The following SEM1 variants were observed in gnomAD, a reference collection of about 807,000 sequenced individuals.
SEM1 encodes SEM1 26S proteasome subunit, also known as 26S proteasome complex subunit SEM1.
SEM1 carries 3 observed loss-of-function variants against 12.7 expected under a neutral mutation model. That is an observed-to-expected ratio of 0.24 (90% CI 0.11 to 0.61). The LOEUF (loss-of-function observed/expected upper bound fraction) is 0.61. SEM1 is among the 20% of genes least tolerant of loss of function. The pLI, the probability that SEM1 is intolerant of heterozygous loss-of-function variation, is 0.88. For missense variants in SEM1, 59 were observed against 81.3 expected (o/e 0.73, Z 1.06); for synonymous variants, 30 against 27.8 (o/e 1.08, Z -0.25).
intron 2 of SEM1, among the ~76,000 whole-genome samples, chr7:96,633,646 G>A (rs76383334): frequency 0.014 from 2,140 of 152,212 alleles, 39 homozygotes; most frequent in African/African-American, 0.049. Context: ...AGAAAGTTAT[G>A]TCATTCTTAA....
chr7:96,666,307 T>C (rs74637482), intron 2 of SEM1, among the ~76,000 whole-genome samples: 7,750 of 152,246 alleles, frequency 0.051, 245 homozygotes, highest in South Asian at 0.091. Flanking sequence ...GCATAAACCA[T>C]GGACAACAGA....
At chr7:96,519,518 T>A (rs1804202382) in intron 2 of SEM1, among the ~76,000 whole-genome samples, 2 of 151,880 alleles carry the variant, frequency 1.3e-5, no homozygotes, top group South Asian at 4.2e-4. Context: ...TGGGTTGAGA[T>A]TTTTTAAATA....
intron 2 of SEM1, among the ~76,000 whole-genome samples, chr7:96,587,377 G>C (rs1274576624): frequency 6.6e-6 from 1 of 152,004 alleles, no homozygotes; most frequent in Admixed American, 6.5e-5. Context: ...CTCTTCCTTG[G>C]AGCAGTCTTG....
intron 2 of SEM1, among the ~76,000 whole-genome samples, chr7:96,514,790 A>G (rs1254275262): frequency 6.6e-6 from 1 of 152,182 alleles, no homozygotes. Context: ...AAGACATACT[A>G]TGTTCATAGG....
At chr7:96,670,547 A>G (rs1207273636), downstream of SEM1, among the ~76,000 whole-genome samples, 1 of 152,180 alleles carries the variant, frequency 6.6e-6, no homozygotes, top group Admixed American at 6.6e-5. Context: ...GTAATCAAAT[A>G]CAAAACCATC....
In SEM1 at chr7:96,486,099, C is replaced by T. The variant is rs1802743667; in HGVS notation, c.227+104G>A. On this transcript the variant is annotated intron_variant, in intron 2 of 3. Transcript: ENST00000356686. ...GTAAAGATCACGGTTGAGTATGTCA[C>T]AATGTTGCTGGCCTTTAGTTTTAGT... 20 of 769,660 alleles carry T rather than the reference C, an allele frequency of 2.6e-5. No homozygotes were observed. In the East Asian group the frequency reaches 5.3e-4, roughly 21 times the overall value. 47.7% of individuals were successfully genotyped at this position (769,660 alleles called of 1,614,324 possible).
chr7:96,522,651 G>A (rs1291462727), intron 2 of SEM1, among the ~76,000 whole-genome samples: 1 of 151,590 alleles, frequency 6.6e-6, no homozygotes, highest in African/African-American at 2.4e-5. Context: ...GCCAAGGCAG[G>A]CAGATCATCT....
At chr7:96,617,944 G>C (rs932639267), downstream of SEM1, among the ~76,000 whole-genome samples, 3 of 152,060 alleles carry the variant, frequency 2.0e-5, no homozygotes, top group Admixed American at 6.6e-5. Flanking sequence ...TTATTTTGAG[G>C]ATTTTTGTGC....
intron 2 of SEM1, among the ~76,000 whole-genome samples, chr7:96,582,432 T>C (rs1170305908): frequency 1.1e-4 from 16 of 150,694 alleles, no homozygotes; most frequent in African/African-American, 3.7e-4. Context: ...TCTAAAATTC[T>C]CTTTTTTGGT....
chr7:96,657,439 G>C (rs1170328202), intron 2 of SEM1, among the ~76,000 whole-genome samples: 1 of 152,080 alleles, frequency 6.6e-6, no homozygotes, highest in Non-Finnish European at 1.5e-5. Context: ...TCAGATTTGG[G>C]TTCAGGCTAT....
At chr7:96,688,064 G>C (rs1358655987), downstream of SEM1, 3 of 152,098 alleles carry the variant, frequency 2.0e-5, no homozygotes, top group East Asian at 5.8e-4. Context: ...ATTGATTGTA[G>C]TTCTTAGTAA....
At chr7:96,569,201 C>G (rs1481750930) in intron 2 of SEM1, among the ~76,000 whole-genome samples, 1 of 151,950 alleles carries the variant, frequency 6.6e-6, no homozygotes, top group East Asian at 1.9e-4. Flanking sequence ...GGAAGTCAGT[C>G]TTGATTCCTT....
intron 2 of SEM1, among the ~76,000 whole-genome samples, chr7:96,653,258 T>G (rs1044451055): frequency 1.3e-5 from 2 of 152,172 alleles, no homozygotes; most frequent in Non-Finnish European, 2.9e-5. Flanking sequence ...AGATATCAGA[T>G]TCAGCTGTTT....
At chr7:96,695,818 G>A (rs1455166016) in intron 1 of SEM1, 3 of 151,810 alleles carry the variant, frequency 2.0e-5, no homozygotes, top group Admixed American at 1.3e-4. Context: ...TAAGTAGGTC[G>A]CTTCCATCTG....
chr7:96,513,802 C>T (rs1804005026), intron 2 of SEM1, among the ~76,000 whole-genome samples: 1 of 151,996 alleles, frequency 6.6e-6, no homozygotes, highest in African/African-American at 2.4e-5. Flanking sequence ...GAACTCCAGC[C>T]TGGGCAGCAG....
At chr7:96,573,938 T>A (rs28784002) in intron 2 of SEM1, among the ~76,000 whole-genome samples, 93,219 of 136,974 alleles carry the variant, frequency 0.68, 29,060 homozygotes, top group Non-Finnish European at 0.75. Flanking sequence ...TTTTTTTTTT[T>A]AATATTTTTT....
intron 2 of SEM1, among the ~76,000 whole-genome samples, chr7:96,633,878 A>G: frequency 6.6e-6 from 1 of 152,154 alleles, no homozygotes; most frequent in East Asian, 1.9e-4. Flanking sequence ...TAGACTGCCT[A>G]GAAAATTAAA....
chr7:96,491,504 T>C (rs1803006358), intron 1 of SEM1, among the ~76,000 whole-genome samples: 1 of 152,182 alleles, frequency 6.6e-6, no homozygotes, highest in Non-Finnish European at 1.5e-5. Context: ...GTTTATTTAG[T>C]CGTAAAGATT....
chr7:96,626,950 CT>C (rs1260694387), intron 2 of SEM1, among the ~76,000 whole-genome samples: 1 of 152,006 alleles, frequency 6.6e-6, no homozygotes, highest in African/African-American at 2.4e-5. Context: ...TTTATTACAG[CT>C]TTGAATTCAT....
Sources: allele counts gnomAD v4.1 joint callset (sites outside exome capture counted in the v4.1 genomes callset), GRCh38; gene constraint gnomAD v4.1.1; transcripts MANE v1.5; gene names NCBI Gene and HGNC (gene_info 2026-07-23, HGNC 2026-07-21).